The following ANKIB1 variants were observed in gnomAD, a reference collection of about 807,000 sequenced individuals.
ANKIB1 encodes the protein ankyrin repeat and IBR domain-containing protein 1.
Under a neutral mutation model 122.1 loss-of-function variants are expected in ANKIB1, and 43 were observed. That is an observed-to-expected ratio of 0.35 (90% confidence interval 0.28 to 0.45). The LOEUF (loss-of-function observed/expected upper bound fraction) is 0.45. ANKIB1 is among the 20% of genes least tolerant of loss of function. The pLI, the probability that ANKIB1 is intolerant of heterozygous loss-of-function variation, is 1.00. For missense variants in ANKIB1, 992 were observed against 1,329.5 expected, an observed-to-expected ratio of 0.75 and a Z score of 3.95; for synonymous variants, 390 against 442.0, an observed-to-expected ratio of 0.88 and a Z score of 1.48.
chr7:92,253,097 G>C (rs969221179), intron 1 of ANKIB1, among the ~76,000 whole-genome samples: 2 of 152,086 alleles, frequency 1.3e-5, no homozygotes, highest in Non-Finnish European at 2.9e-5. Context: ...AATTATTTCT[G>C]TACCTGTGTG....
At chr7:92,284,435 AC>A (rs1196099106) in intron 1 of ANKIB1, among the ~76,000 whole-genome samples, 1 of 152,120 alleles carries the variant, frequency 6.6e-6, no homozygotes, top group Non-Finnish European at 1.5e-5. Context: ...TTCTGAGTGA[AC>A]TACACCAGTT....
chr7:92,290,015 C>T (rs989636586), intron 1 of ANKIB1, among the ~76,000 whole-genome samples: 7 of 152,148 alleles, frequency 4.6e-5, no homozygotes, highest in Non-Finnish European at 7.4e-5. Flanking sequence ...CAGAGTTTTG[C>T]CATGTTGGCC....
intron 4 of ANKIB1, among the ~76,000 whole-genome samples, chr7:92,325,675 G>C (rs2131955807): frequency 6.6e-6 from 1 of 151,310 alleles, no homozygotes; most frequent in South Asian, 2.1e-4. Flanking sequence ...TTACCAATAG[G>C]GAGGGGAGGC....
At chr7:92,337,237 A>G (rs940506584) in intron 5 of ANKIB1, among the ~76,000 whole-genome samples, 5 of 152,230 alleles carry the variant, frequency 3.3e-5, no homozygotes, top group Non-Finnish European at 5.9e-5. Context: ...TCATTTAAGC[A>G]GGAAATAGAT....
intron 10 of ANKIB1, among the ~76,000 whole-genome samples, chr7:92,364,840 A>G (rs1804036816): frequency 1.3e-5 from 2 of 152,226 alleles, no homozygotes; most frequent in African/African-American, 4.8e-5. Flanking sequence ...GACTAAAGGT[A>G]GGACGGTGAA....
chr7:92,262,514 G>A (rs1007089468), intron 1 of ANKIB1, among the ~76,000 whole-genome samples: 1 of 152,012 alleles, frequency 6.6e-6, no homozygotes, highest in African/African-American at 2.4e-5. Context: ...GTGTCCAAGG[G>A]GTAGTTAATC....
At position 92,389,893 on chromosome 7, in the gene ANKIB1, A is replaced by G. The variant is rs549449991; in HGVS notation, c.1907-78A>G. The G allele has an allele frequency of 9.0e-6, 13 of 1,440,052 alleles. No homozygotes were observed. The East Asian group carries it at 3.3e-4, about 36-fold the overall frequency. 89.2% of individuals were successfully genotyped at this position (1,440,052 alleles called of 1,614,324 possible). Reference sequence around the variant, plus strand: ...GATCCTTCTTTTTCCTTTTTTGAGAAAAAAAATCATTGTTTAATTAATATT... The same window carrying G: ...GATCCTTCTTTTTCCTTTTTTGAGAGAAAAAATCATTGTTTAATTAATATT... On this transcript the variant is annotated intron_variant, in intron 14 of 19. Transcript: ENST00000265742.
intron 1 of ANKIB1, among the ~76,000 whole-genome samples, chr7:92,261,424 G>GT (rs1801562332): frequency 6.9e-6 from 1 of 144,594 alleles, no homozygotes; most frequent in African/African-American, 2.6e-5. Context: ...GTTTTGTTTT[G>GT]TTTGGCAACA....
chr7:92,353,050 G>A (rs897899508), intron 9 of ANKIB1, among the ~76,000 whole-genome samples: 6 of 152,112 alleles, frequency 3.9e-5, no homozygotes, highest in Non-Finnish European at 8.8e-5. Flanking sequence ...AATGTTTAGA[G>A]TTTAACGTTT....
chr7:92,296,547 T>G (rs1281356371), intron 2 of ANKIB1, among the ~76,000 whole-genome samples: 2 of 152,144 alleles, frequency 1.3e-5, no homozygotes, highest in African/African-American at 4.8e-5. Context: ...TCTATCTACT[T>G]AGATTGTCAT....
At chr7:92,353,176 G>A (rs1394126450) in intron 9 of ANKIB1, among the ~76,000 whole-genome samples, 1 of 152,152 alleles carries the variant, frequency 6.6e-6, no homozygotes. Flanking sequence ...GATTTAGTAG[G>A]TTTTTGAGTG....
At chr7:92,349,098 A>C (rs1585119807) in intron 7 of ANKIB1, among the ~76,000 whole-genome samples, 1 of 152,260 alleles carries the variant, frequency 6.6e-6, no homozygotes, top group East Asian at 1.9e-4. Context: ...AATGGGAAAA[A>C]CTTGAGCATG....
chr7:92,354,444 T>G (rs868226394), intron 9 of ANKIB1, among the ~76,000 whole-genome samples: 6 of 152,194 alleles, frequency 3.9e-5, no homozygotes, highest in African/African-American at 1.4e-4. Flanking sequence ...TGGTAATTAT[T>G]TACTCTTTCT....
At chr7:92,324,430 C>T (rs1391547321) in intron 4 of ANKIB1, among the ~76,000 whole-genome samples, 1 of 152,140 alleles carries the variant, frequency 6.6e-6, no homozygotes, top group African/African-American at 2.4e-5. Flanking sequence ...GACAGGGTTT[C>T]ACCGTGTTGA....
At chr7:92,297,051 A>G (rs1034827860) in intron 2 of ANKIB1, among the ~76,000 whole-genome samples, 1 of 152,324 alleles carries the variant, frequency 6.6e-6, no homozygotes, top group East Asian at 1.9e-4. Context: ...TGATATAATA[A>G]TGGCAAATGT....
At chr7:92,331,533 C>G (rs544724389) in intron 5 of ANKIB1, among the ~76,000 whole-genome samples, 24 of 152,254 alleles carry the variant, frequency 1.6e-4, no homozygotes, top group African/African-American at 5.8e-4. Flanking sequence ...CTCGGCCTCC[C>G]AGAGTGTTGG....
intron 7 of ANKIB1, among the ~76,000 whole-genome samples, chr7:92,349,418 G>T (rs1317550242): frequency 7.2e-5 from 11 of 152,180 alleles, no homozygotes; most frequent in Admixed American, 6.5e-4. Flanking sequence ...CAAGGTCTCA[G>T]TAAGGTTGTC....
rs1201802676 is a variant in ANKIB1 at position 92,351,029 on chromosome 7, G to T, written c.1165G>T (p.Val389Leu). ...ATATGATTGCTTCCAACTTGTACCT[G>T]TGGATATCATAGAAAGTGTAGTTTC... ...PAYDCFQLVPVDIIESVVSKE... is the reference protein window; with the variant it reads ...PAYDCFQLVPLDIIESVVSKE... Residue 389 changes from valine to leucine, a missense_variant, in exon 8 of 20, where the codon GTG (valine) becomes TTG (leucine). By Grantham distance (32) the Val-to-Leu change is conservative (BLOSUM62 1). Transcript: ENST00000265742. The T allele has an allele frequency of 6.2e-7, 1 of 1,600,810 alleles. No homozygotes were observed. Among genetic ancestry groups the T allele is most frequent in the Middle Eastern group, 1.7e-4 (1 of 6,046 alleles).
At chr7:92,342,703 A>G (rs148977260) in intron 5 of ANKIB1, among the ~76,000 whole-genome samples, 44 of 152,318 alleles carry the variant, frequency 2.9e-4, no homozygotes, top group South Asian at 1.0e-3. Context: ...AATTAAACCT[A>G]TGCCAGCGAA....
Sources: gnomAD v4.1 joint callset for allele counts (sites outside exome capture counted in the v4.1 genomes callset) on GRCh38, gnomAD v4.1.1 for gene constraint, MANE v1.5 for transcripts, NCBI Gene and HGNC (gene_info 2026-07-23, HGNC 2026-07-21) for gene names.